Variants in MGAM2 observed in about 807,000 individuals in gnomAD.
MGAM2 encodes maltase-glucoamylase 2 (putative), also known as probable maltase-glucoamylase 2.
MGAM2 carries 98 observed loss-of-function variants against 96.1 expected under a neutral mutation model. The observed-to-expected ratio is 1.02, with a 90% confidence interval of 0.87 to 1.21. MGAM2 has a LOEUF of 1.21. MGAM2 is among the 50% of genes most tolerant of loss of function. MGAM2 has a pLI of 0.00. For synonymous variants in MGAM2, 749 were observed against 414.8 expected, an observed-to-expected ratio of 1.81 and a Z score of -9.79; for missense variants, 2,055 against 1,182.4, an observed-to-expected ratio of 1.74 and a Z score of -10.82.
At chr7:142,202,308 T>C (rs1286586531) in intron 45 of MGAM2, among the ~76,000 whole-genome samples, 1 of 152,208 alleles carries the variant, frequency 6.6e-6, no homozygotes, top group Non-Finnish European at 1.5e-5. Context: ...AAAATGATAA[T>C]ATTTTTATAA....
At chr7:142,218,978 G>A (rs536363692) in intron 47 of MGAM2, among the ~76,000 whole-genome samples, 2 of 152,282 alleles carry the variant, frequency 1.3e-5, no homozygotes, top group East Asian at 3.9e-4. Flanking sequence ...GACGAAAATT[G>A]GCAGTAAACT....
chr7:142,171,562 A>C lies in MGAM2; in HGVS notation c.3351+122A>C, dbSNP rs1796186098. The stretch of plus-strand genomic sequence containing the variant: ...TCTTATATTGATAAATTCCGCTCTC[A>C]GTTGTAATAGAGCACGTGTCACATT... On this transcript the variant is annotated intron_variant, in intron 28 of 47. Transcript: ENST00000477922. 8.2e-6 allele frequency: 4 copies of C among 490,402 alleles called. No homozygotes were observed. In the East Asian group the frequency reaches 1.4e-4, roughly 18 times the overall value. 30.4% of individuals were successfully genotyped at this position (490,402 alleles called of 1,614,324 possible).
chr7:142,189,614 A>G (rs2129097303), intron 37 of MGAM2, 109 bp downstream of exon 37: 1 of 490,422 alleles, frequency 2.0e-6, no homozygotes, highest in Non-Finnish European at 3.6e-6. Context: ...AAATGGGTTA[A>G]AGTCAAAATT....
At chr7:142,154,364 T>C (rs975528422) in intron 16 of MGAM2, among the ~76,000 whole-genome samples, 175 bp downstream of exon 16, 1 of 152,228 alleles carries the variant, frequency 6.6e-6, no homozygotes, top group Admixed American at 6.5e-5. Context: ...ATGGTAGTAC[T>C]TTATCACTGA....
chr7:142,175,929 C>A, intron 32 of MGAM2, 149 bp downstream of exon 32: 4 of 415,336 alleles, frequency 9.6e-6, no homozygotes, highest in Non-Finnish European at 1.3e-5. Flanking sequence ...TGTGGTGAAT[C>A]TATAATTATT....
intron 37 of MGAM2, among the ~76,000 whole-genome samples, chr7:142,194,285 G>A (rs1207608372): frequency 1.3e-5 from 2 of 152,154 alleles, no homozygotes; most frequent in Non-Finnish European, 2.9e-5. Flanking sequence ...ATCTGCCTGG[G>A]CCTCCCAAAG....
chr7:142,118,334 T>C (rs1794441501), intron 2 of MGAM2, among the ~76,000 whole-genome samples: 1 of 152,198 alleles, frequency 6.6e-6, no homozygotes, highest in Non-Finnish European at 1.5e-5. Flanking sequence ...TTGTTGCATA[T>C]TGCAGGAATC....
intron 32 of MGAM2, among the ~76,000 whole-genome samples, chr7:142,180,065 C>T (rs1000554225): frequency 2.0e-5 from 3 of 151,672 alleles, no homozygotes; most frequent in South Asian, 2.1e-4. Flanking sequence ...GGTGTTATTT[C>T]CTTTCTGGTT....
In MGAM2 at chr7:142,148,651, T is replaced by C. The variant is rs1168931449; in HGVS notation, c.1634+1078T>C. Reference sequence around the variant, plus strand: ...ATTATACCTAAGAGAGCAAGAAAATTTGGGGCCAGGCTTAAGATTTTAATT... The same window carrying C: ...ATTATACCTAAGAGAGCAAGAAAATCTGGGGCCAGGCTTAAGATTTTAATT... On this transcript the variant is annotated intron_variant, in intron 15 of 47. Coordinates refer to ENST00000477922, the MANE Select transcript of MGAM2 (RefSeq NM_001293626.2). This position sits in a 1 kb window ranked among gnomAD's most constrained non-coding sequence, Gnocchi z 4.2. 1.3e-5 allele frequency among the ~76,000 whole-genome samples: 2 copies of C among 152,176 alleles called. No individual in the cohort carries two copies.
chr7:142,112,095 T>C (rs1278313452), intron 1 of MGAM2, among the ~76,000 whole-genome samples: 1 of 151,362 alleles, frequency 6.6e-6, no homozygotes, highest in African/African-American at 2.4e-5. Flanking sequence ...GAGATCCTCC[T>C]CTCTCACTGG....
At chr7:142,158,196 T>C (rs1795792901) in intron 18 of MGAM2, 52 bp from the exon 19 acceptor site, 1 of 702,148 alleles carries the variant, frequency 1.4e-6, no homozygotes, top group Admixed American at 2.0e-5. Context: ...TAATGTGCCA[T>C]TGTCCTGTAT....
chr7:142,178,465 T>G (rs1045388441), intron 32 of MGAM2, among the ~76,000 whole-genome samples: 2 of 152,158 alleles, frequency 1.3e-5, no homozygotes, highest in Non-Finnish European at 2.9e-5. Flanking sequence ...TAGATTTTCT[T>G]CTAGGATTTT....
intron 1 of MGAM2, among the ~76,000 whole-genome samples, chr7:142,113,088 T>C (rs1296440218): frequency 6.6e-6 from 1 of 152,188 alleles, no homozygotes; most frequent in Non-Finnish European, 1.5e-5. Context: ...TGAAGCTATA[T>C]ACCTATATAA....
rs763389474 is a variant in MGAM2, at chr7:142,161,105, T to G, written c.2346-20T>G. 8 of 701,722 alleles carry G rather than the reference T, an allele frequency of 1.1e-5. No individual in the cohort carries two copies. In the South Asian group the frequency reaches 1.2e-4, roughly 10 times the overall value. 43.5% of individuals were successfully genotyped at this position (701,722 alleles called of 1,614,324 possible). A position where few individuals can be genotyped will look rare whatever the true frequency, so the allele number is the denominator to read the frequency against. ...CCATCTCATCTACATTCTCTGAAAC[T>G]GGGAAGTACTCTTTTACAGCCGGAG... On this transcript the variant is annotated intron_variant, in intron 21 of 47. Transcript: ENST00000477922.
chr7:142,119,118 T>A (rs985967688), intron 2 of MGAM2, among the ~76,000 whole-genome samples: 1 of 152,168 alleles, frequency 6.6e-6, no homozygotes, highest in Non-Finnish European at 1.5e-5. Context: ...GTTAGGCCCT[T>A]ATCAGATATA....
In MGAM2 at chr7:142,140,906, C is replaced by T; in HGVS notation, c.1191C>T (p.Asp397=). 1 of 702,878 alleles carries T rather than the reference C, an allele frequency of 1.4e-6. No homozygotes were observed. The highest frequency in any genetic ancestry group is 2.6e-6 in the Non-Finnish European group (1 of 384,940). 43.5% of individuals were successfully genotyped at this position (702,878 alleles called of 1,614,324 possible). The change falls in exon 11 of 48, where the codon GAC becomes GAT. Residue 397 remains aspartate, a synonymous_variant. Coordinates refer to ENST00000477922, the MANE Select transcript of MGAM2 (RefSeq NM_001293626.2). The part of the protein sequence containing the change: ...GLPDFVKELH[D]NGQKYLIIMN... ...CAGATTTTGTCAAGGAGTTACATGA[C>T]AATGGACAGAAATATCTTATTATTA...
At chr7:142,166,613 A>G (rs1198602316) in intron 25 of MGAM2, among the ~76,000 whole-genome samples, 1 of 152,206 alleles carries the variant, frequency 6.6e-6, no homozygotes, top group Non-Finnish European at 1.5e-5. Context: ...AGAAAATGGA[A>G]ACTAGGAAGC....
chr7:142,118,642 G>C lies in MGAM2; in HGVS notation c.107-1660G>C, dbSNP rs191445152. On this transcript the variant is annotated intron_variant, in intron 2 of 47. Coordinates refer to ENST00000477922, the MANE Select transcript of MGAM2 (RefSeq NM_001293626.2). ...AATAGCCAATGTTGAGTGAAGATGT[G>C]TATTTCCAATGGGGCCAATAATATC... 3.3e-5 allele frequency among the ~76,000 whole-genome samples: 5 copies of C among 152,244 alleles called. No individual in the cohort carries two copies. The East Asian group carries it at 9.7e-4, about 29-fold the overall frequency.
chr7:142,131,621 TTTTAAGG>T lies in MGAM2; in HGVS notation c.417_420+3del. On this transcript the variant is annotated splice_donor_variant and coding_sequence_variant, in exon 5 of 48. Coordinates refer to ENST00000477922, the MANE Select transcript of MGAM2 (RefSeq NM_001293626.2). LOFTEE classifies it high-confidence loss of function. Reference sequence around the variant, plus strand: ...AATATCAGACATCCAATCGGTTTCATTTTAAGGTTGGTTTGGGAGTGACTGCTAAATA... The same window carrying T: ...AATATCAGACATCCAATCGGTTTCATTTGGTTTGGGAGTGACTGCTAAATA... 1 of 703,160 alleles carries T rather than the reference TTTTAAGG, an allele frequency of 1.4e-6. No individual in the cohort carries two copies. Among genetic ancestry groups the T allele is most frequent in the Non-Finnish European group, 2.6e-6 (1 of 385,018 alleles). 43.6% of individuals were successfully genotyped at this position (703,160 alleles called of 1,614,324 possible). A position where few individuals can be genotyped will look rare whatever the true frequency, so the allele number is the denominator to read the frequency against.
Sources: gnomAD v4.1 joint callset for allele counts (sites outside exome capture counted in the v4.1 genomes callset) on GRCh38, gnomAD v4.1.1 for gene constraint, Gnocchi (gnomAD v3.1) non-coding constraint, MANE v1.5 for transcripts, NCBI Gene and HGNC (gene_info 2026-07-23, HGNC 2026-07-21) for gene names.